Variants in SMAD9 observed in about 807,000 individuals in gnomAD.
SMAD9 encodes MAD homolog 9.
In SMAD9, 36 loss-of-function variants were observed where a neutral mutation model predicts 46.1. The ratio of observed to expected loss-of-function variants is 0.78; its 90% confidence interval spans 0.60 to 1.03. The LOEUF is 1.03. Among genes scored for constraint, SMAD9 ranks in the 50% least tolerant of loss-of-function variants. The probability of loss-of-function intolerance (pLI) is 0.00; values close to 1 mark genes in which losing one functional copy is unlikely to be tolerated. For missense variants in SMAD9, 572 were observed against 599.8 expected (o/e 0.95, Z 0.48); for synonymous variants, 245 against 237.1 (o/e 1.03, Z -0.31).
intron 1 of SMAD9, among the ~76,000 whole-genome samples, chr13:36,898,105 G>A (rs1211780602): frequency 1.3e-5 from 2 of 151,718 alleles, no homozygotes; most frequent in Admixed American, 6.6e-5. Context: ...TGATCCGCCC[G>A]CCTCGGCCTC....
intron 2 of SMAD9, among the ~76,000 whole-genome samples, chr13:36,874,088 A>C (rs543682554): frequency 6.6e-6 from 1 of 152,296 alleles, no homozygotes; most frequent in South Asian, 2.1e-4. Flanking sequence ...CTACTCCAAA[A>C]CTGTTGTTGA....
At chr13:36,890,906 TCACAGACACACCA>T (rs1375988691) in intron 1 of SMAD9, among the ~76,000 whole-genome samples, 1 of 151,926 alleles carries the variant, frequency 6.6e-6, no homozygotes, top group African/African-American at 2.4e-5. Flanking sequence ...GAACAGTGCA[TCACAGACACACCA>T]CACAGACTAC....
chr13:36,918,870 C>G (rs1164006527), intron 1 of SMAD9, among the ~76,000 whole-genome samples: 1 of 152,202 alleles, frequency 6.6e-6, no homozygotes, highest in African/African-American at 2.4e-5. Context: ...GTGCCACAAA[C>G]GTTCCGCTCA....
chr13:36,867,628 T>C (rs891194998), intron 3 of SMAD9, among the ~76,000 whole-genome samples: 7 of 152,210 alleles, frequency 4.6e-5, no homozygotes, highest in Admixed American at 3.3e-4. Flanking sequence ...TGAGTTATCA[T>C]TGAGTTCTAA....
chr13:36,865,983 T>C (rs901042709), intron 4 of SMAD9, among the ~76,000 whole-genome samples: 2 of 152,152 alleles, frequency 1.3e-5, no homozygotes, highest in African/African-American at 4.8e-5. Context: ...TCCTTGTTCA[T>C]CTTCCATGGC....
intron 3 of SMAD9, among the ~76,000 whole-genome samples, chr13:36,871,474 T>A (rs2058293418): frequency 6.6e-6 from 1 of 151,922 alleles, no homozygotes; most frequent in Non-Finnish European, 1.5e-5. Context: ...GCCAGGATCA[T>A]GCCACTGCAC....
At position 36,872,647 on chromosome 13, in the gene SMAD9, T is replaced by A; in HGVS notation, c.670+11A>T. 6.2e-7 allele frequency: 1 copy of A among 1,613,954 alleles called. No individual in the cohort carries two copies. On this transcript the variant is annotated intron_variant, in intron 3 of 6. Coordinates refer to ENST00000379826, the MANE Select transcript of SMAD9 (RefSeq NM_001127217.3). ...TCCCGTATTTCCCCACAGACCATAG[T>A]TCTTACTGACCTGAGTGTTGATAGG...
At chr13:36,868,954 G>C (rs1008634797) in intron 3 of SMAD9, among the ~76,000 whole-genome samples, 11 of 151,978 alleles carry the variant, frequency 7.2e-5, no homozygotes, top group African/African-American at 2.7e-4. Context: ...ATGAACTACC[G>C]ATATATGCCA....
intron 1 of SMAD9, among the ~76,000 whole-genome samples, chr13:36,891,139 C>T (rs988303819): frequency 1.4e-5 from 2 of 147,820 alleles, no homozygotes; most frequent in Non-Finnish European, 2.9e-5. Context: ...AATGAATGGC[C>T]ATTTTGCCTA....
At chr13:36,853,757 T>C (rs1292289340) in intron 5 of SMAD9, 82 bp from the exon 6 acceptor site, 1 of 1,413,048 alleles carries the variant, frequency 7.1e-7, no homozygotes. Context: ...CCCTAGGAGA[T>C]GTGACTCTCC....
intron 1 of SMAD9, among the ~76,000 whole-genome samples, chr13:36,893,660 ACAG>A (rs1218229704): frequency 2.6e-5 from 4 of 151,876 alleles, no homozygotes; most frequent in Admixed American, 1.3e-4. Context: ...TTAGTGAAAA[ACAG>A]CAGAGCCTAG....
At chr13:36,852,348 C>G in intron 6 of SMAD9, 1 of 985,240 alleles carries the variant, frequency 1.0e-6, no homozygotes, top group Non-Finnish European at 1.2e-6. Flanking sequence ...TCACACATAC[C>G]CCGATACTTT....
chr13:36,873,931 G>A lies in SMAD9; in HGVS notation c.413-1016C>T, dbSNP rs79800258. On this transcript the variant is annotated intron_variant, in intron 2 of 6. Transcript: ENST00000379826. ...TTGTTCATTTACTATGCTTTTCTGG[G>A]TTTCATTTTTTAAAAAGAATGTTAC... Among the ~76,000 whole-genome samples, 858 of 152,218 alleles carry A rather than the reference G, an allele frequency of 5.6e-3. 2 individuals carry two copies. Among genetic ancestry groups the A allele is most frequent in the Non-Finnish European group, 8.4e-3 (568 of 68,008 alleles).
intron 5 of SMAD9, among the ~76,000 whole-genome samples, chr13:36,858,201 G>A (rs939812148): frequency 1.3e-5 from 2 of 151,784 alleles, no homozygotes; most frequent in Non-Finnish European, 2.9e-5. Context: ...AGTTTTAATG[G>A]GTGGTAAAAA....
At chr13:36,895,696 C>G (rs868067067) in intron 1 of SMAD9, among the ~76,000 whole-genome samples, 1 of 152,088 alleles carries the variant, frequency 6.6e-6, no homozygotes, top group South Asian at 2.1e-4. Flanking sequence ...AGAGAAATTG[C>G]TTTGCTAATG....
At chr13:36,910,313 A>G (rs1486173060) in intron 1 of SMAD9, among the ~76,000 whole-genome samples, 4 of 152,178 alleles carry the variant, frequency 2.6e-5, no homozygotes, top group Non-Finnish European at 4.4e-5. Context: ...TGAATATGAG[A>G]AGAGGGAGGG....
intron 1 of SMAD9, among the ~76,000 whole-genome samples, chr13:36,902,215 A>G (rs1345668387): frequency 6.6e-6 from 1 of 152,166 alleles, no homozygotes; most frequent in Non-Finnish European, 1.5e-5. Flanking sequence ...TAGTTGCCCC[A>G]GCACCATTTG....
chr13:36,862,546 C>T (rs1231331599), intron 5 of SMAD9, among the ~76,000 whole-genome samples: 1 of 152,162 alleles, frequency 6.6e-6, no homozygotes, highest in Non-Finnish European at 1.5e-5. Flanking sequence ...AAATCTCCAC[C>T]CCTTTCCCAG....
chr13:36,882,190 AATC>A (rs1309429077), intron 1 of SMAD9, among the ~76,000 whole-genome samples: 2 of 151,806 alleles, frequency 1.3e-5, no homozygotes, highest in African/African-American at 4.8e-5. Flanking sequence ...GTATAATAAT[AATC>A]ATTTCATGAA....
Sources: allele counts gnomAD v4.1 joint callset (sites outside exome capture counted in the v4.1 genomes callset), GRCh38; gene constraint gnomAD v4.1.1; transcripts MANE v1.5; gene names NCBI Gene and HGNC (gene_info 2026-07-23, HGNC 2026-07-21).